Variants in SPECC1 observed in about 807,000 individuals in gnomAD.
SPECC1 encodes cytospin-B.
Under a neutral mutation model 104.1 loss-of-function variants are expected in SPECC1, and 62 were observed. The ratio of observed to expected loss-of-function variants is 0.60; its 90% CI spans 0.49 to 0.74. The LOEUF is 0.74. Ranked by LOEUF, SPECC1 falls within the 30% of genes least tolerant of loss-of-function variation. The pLI, the probability that SPECC1 is intolerant of heterozygous loss-of-function variation, is 0.00. For synonymous variants in SPECC1, 513 were observed against 501.6 expected (o/e 1.02, Z -0.30); for missense variants, 1,306 against 1,310.5 (o/e 1.00, Z 0.05).
chr17:20,135,537 G>A lies in SPECC1; in HGVS notation c.283+24975G>A, dbSNP rs151174625. 1.8e-3 allele frequency among the ~76,000 whole-genome samples: 269 copies of A among 152,238 alleles called. 1 individual carries two copies. Among genetic ancestry groups the A allele is most frequent in the African/African-American group, 6.0e-3 (249 of 41,544 alleles). On this transcript the variant is annotated intron_variant, in intron 3 of 14. Coordinates refer to ENST00000395527, the MANE Select transcript of SPECC1 (RefSeq NM_001243439.2). Reference sequence around the variant, plus strand: ...TATGATCATGGCCCACTGCAGCCTTGACCTCCTGGTCCCAAGTGATCCTCC... The same window carrying A: ...TATGATCATGGCCCACTGCAGCCTTAACCTCCTGGTCCCAAGTGATCCTCC...
At chr17:20,117,280 T>C (rs1047361431) in intron 3 of SPECC1, among the ~76,000 whole-genome samples, 2 of 152,074 alleles carry the variant, frequency 1.3e-5, no homozygotes, top group Non-Finnish European at 2.9e-5. Context: ...AAAATGAAAC[T>C]GCAAGACTAC....
chr17:20,318,254 A>G lies in SPECC1; in HGVS notation c.*4189A>G, dbSNP rs1901337977. The G allele has an allele frequency of 1.3e-5, 3 of 232,334 alleles. No homozygotes were observed. The highest frequency in any genetic ancestry group is 6.6e-5 in the African/African-American group (3 of 45,306). 14.4% of individuals were successfully genotyped at this position (232,334 alleles called of 1,614,324 possible). ...GAAGTCGCTGTTCTCTGCATTGAAC[A>G]TGGATTGAATTTTCCTTGTCTGATG... On this transcript the variant is annotated 3_prime_UTR_variant, in exon 15 of 15. Coordinates refer to ENST00000395527, the MANE Select transcript of SPECC1 (RefSeq NM_001243439.2).
chr17:20,175,818 T>G (rs1265883316), intron 3 of SPECC1, among the ~76,000 whole-genome samples: 1 of 152,182 alleles, frequency 6.6e-6, no homozygotes, highest in Non-Finnish European at 1.5e-5. Context: ...GTGGGCTGGA[T>G]GCACATGTAG....
chr17:20,092,655 A>C (rs1408691949), intron 1 of SPECC1, among the ~76,000 whole-genome samples: 1 of 152,224 alleles, frequency 6.6e-6, no homozygotes, highest in Admixed American at 6.5e-5. Flanking sequence ...AAGGCAGAGC[A>C]GCGCTCCGTT....
At chr17:20,048,012 C>T (rs1350743559) in intron 1 of SPECC1, among the ~76,000 whole-genome samples, 1 of 152,156 alleles carries the variant, frequency 6.6e-6, no homozygotes, top group Non-Finnish European at 1.5e-5. Flanking sequence ...CCATTGGTGT[C>T]CTTGACTCAT....
chr17:20,164,717 T>A (rs2033494584), intron 3 of SPECC1, among the ~76,000 whole-genome samples: 1 of 152,206 alleles, frequency 6.6e-6, no homozygotes, highest in Admixed American at 6.5e-5. Context: ...TGCCCGGGTA[T>A]AGAATTCTTG....
chr17:20,112,785 G>T (rs561161825), intron 3 of SPECC1: 11 of 1,393,806 alleles, frequency 7.9e-6, no homozygotes, highest in Admixed American at 1.7e-5. Flanking sequence ...CAGATAACAG[G>T]AATTAACCTG....
At chr17:20,180,736 T>C (rs1031260291) in intron 3 of SPECC1, among the ~76,000 whole-genome samples, 10 of 152,228 alleles carry the variant, frequency 6.6e-5, no homozygotes, top group African/African-American at 2.4e-4. Context: ...ATTTGTAGCT[T>C]GCTTGCAGCC....
intron 14 of SPECC1, among the ~76,000 whole-genome samples, chr17:20,309,587 C>T (rs937298584): frequency 1.4e-5 from 2 of 147,058 alleles, no homozygotes; most frequent in African/African-American, 5.1e-5. Flanking sequence ...TGTCTACTGT[C>T]CCCATCTTTA....
intron 3 of SPECC1, among the ~76,000 whole-genome samples, chr17:20,111,094 A>G (rs1415811068): frequency 1.3e-5 from 2 of 152,212 alleles, no homozygotes; most frequent in Non-Finnish European, 1.5e-5. Flanking sequence ...GGGTTTTTCA[A>G]TCATTATATT....
At position 20,236,655 on chromosome 17, in the gene SPECC1, CT is replaced by C. The variant is rs34779112; in HGVS notation, c.2351+4269del. Among the ~76,000 whole-genome samples, 1,145 of 126,012 alleles carry C rather than the reference CT, an allele frequency of 9.1e-3. 16 individuals carry two copies. The highest frequency in any genetic ancestry group is 0.083 in the East Asian group (344 of 4,128). 82.7% of individuals were successfully genotyped at this position (126,012 alleles called of 152,430 possible). ...CCTAGTACAGGCATTTGCAGTCTGG[CT>C]TTTTTTTTTTTTTTTTTTATGTCTG... is the stretch of plus-strand genomic sequence containing the variant. On this transcript the variant is annotated intron_variant, in intron 7 of 14. Transcript: ENST00000395527.
At chr17:20,035,315 A>C (rs549447379) in intron 1 of SPECC1, among the ~76,000 whole-genome samples, 1 of 152,138 alleles carries the variant, frequency 6.6e-6, no homozygotes, top group African/African-American at 2.4e-5. Context: ...GTCTATATCT[A>C]TGTAAAATTT....
intron 3 of SPECC1, among the ~76,000 whole-genome samples, chr17:20,172,396 T>C (rs1301708747): frequency 6.6e-6 from 1 of 152,232 alleles, no homozygotes; most frequent in African/African-American, 2.4e-5. Flanking sequence ...ATTTGGAAGA[T>C]AAAATATACT....
At chr17:20,306,002 C>T (rs2041750906) in intron 13 of SPECC1, 21 bp from the exon 14 acceptor site, 1 of 1,611,230 alleles carries the variant, frequency 6.2e-7, no homozygotes, top group African/African-American at 1.3e-5. Context: ...TGATTCCAGT[C>T]TCTTTGTCTT....
intron 12 of SPECC1, among the ~76,000 whole-genome samples, chr17:20,279,862 A>G (rs1025829628): frequency 1.3e-5 from 2 of 152,172 alleles, no homozygotes; most frequent in African/African-American, 2.4e-5. Flanking sequence ...GGAGAGGAGA[A>G]GGTGGACAGA....
intron 3 of SPECC1, among the ~76,000 whole-genome samples, chr17:20,153,488 G>T (rs2032198131): frequency 6.6e-6 from 1 of 152,212 alleles, no homozygotes. Context: ...GAAAGTGGAA[G>T]TAGTAAGTTA....
chr17:20,145,859 A>T (rs1225772175), intron 3 of SPECC1, among the ~76,000 whole-genome samples: 1 of 152,192 alleles, frequency 6.6e-6, no homozygotes, highest in Non-Finnish European at 1.5e-5. Flanking sequence ...TGTGGTGTTA[A>T]TTTAAGGTCT....
At chr17:20,215,672 A>C (rs1412569935) in intron 4 of SPECC1, among the ~76,000 whole-genome samples, 12 of 152,250 alleles carry the variant, frequency 7.9e-5, no homozygotes, top group Non-Finnish European at 1.5e-4. Flanking sequence ...TTGCTATAAA[A>C]ATTTACAAAA....
chr17:20,215,188 T>G (rs970110821), intron 4 of SPECC1, among the ~76,000 whole-genome samples: 6 of 152,154 alleles, frequency 3.9e-5, no homozygotes, highest in Admixed American at 3.3e-4. Context: ...TGTAGAAATA[T>G]GTCTAGACAG....
Sources: allele counts gnomAD v4.1 joint callset (sites outside exome capture counted in the v4.1 genomes callset), GRCh38; gene constraint gnomAD v4.1.1; transcripts MANE v1.5; gene names NCBI Gene and HGNC (gene_info 2026-07-23, HGNC 2026-07-21).